Variants in LOXL1 observed in about 807,000 individuals in gnomAD.
LOXL1 encodes the protein lysyl oxidase like 1.
Under a neutral mutation model 62.2 loss-of-function variants are expected in LOXL1, and 31 were observed. That is an observed-to-expected ratio of 0.50 (90% CI 0.37 to 0.67). The LOEUF (loss-of-function observed/expected upper bound fraction) is 0.67, where lower values mean the gene tolerates loss of function less well. LOXL1 is among the 30% of genes least tolerant of loss of function. The pLI is 0.00. For missense variants in LOXL1, 775 were observed against 843.4 expected, an observed-to-expected ratio of 0.92 and a Z score of 1.00; for synonymous variants, 403 against 384.4, an observed-to-expected ratio of 1.05 and a Z score of -0.56.
chr15:73,927,499 G>A lies in LOXL1; in HGVS notation c.716G>A (p.Gly239Asp). 1 of 1,470,492 alleles carries A rather than the reference G, an allele frequency of 6.8e-7. No individual in the cohort carries two copies. The highest frequency in any genetic ancestry group is 1.3e-5 in the South Asian group (1 of 75,966). The allele number at this position is 1,470,492 out of a possible 1,614,324, so 91.1% of individuals were successfully genotyped here. A position where few individuals can be genotyped will look rare whatever the true frequency, so the allele number is the denominator to read the frequency against. Residue 239 changes from glycine (G) to aspartate (D), a missense_variant, in exon 1 of 7, where the codon GGC becomes GAC. Physicochemically the swap from Gly to Asp is moderately conservative, Grantham distance 94. Transcript: ENST00000261921. Reference protein sequence around the residue: ...QPRARYEEYGGGEELPEYPPQ... With the variant: ...QPRARYEEYGDGEELPEYPPQ... ...CGGGCGCGCTACGAGGAGTACGGCGGCGGCGAAGAGCTGCCCGAGTACCCG... is the reference window on the plus strand; with the variant it reads ...CGGGCGCGCTACGAGGAGTACGGCGACGGCGAAGAGCTGCCCGAGTACCCG...
intron 1 of LOXL1, among the ~76,000 whole-genome samples, chr15:73,938,692 A>G (rs1003624045): frequency 1.3e-5 from 2 of 152,130 alleles, no homozygotes; most frequent in Non-Finnish European, 2.9e-5. Context: ...GCCTGGGCTG[A>G]TGGTTTCCCC....
intron 1 of LOXL1, among the ~76,000 whole-genome samples, chr15:73,936,973 G>A (rs565970780): frequency 6.6e-6 from 1 of 152,332 alleles, no homozygotes; most frequent in East Asian, 1.9e-4. Context: ...TGTGTTCAGG[G>A]GCCAGCTAGT....
At chr15:73,941,163 G>A (rs2068711101) in intron 1 of LOXL1, among the ~76,000 whole-genome samples, 1 of 152,156 alleles carries the variant, frequency 6.6e-6, no homozygotes, top group South Asian at 2.1e-4. Context: ...GGGCCTATGG[G>A]TCCCTTGGGA....
At chr15:73,947,505 C>A in intron 4 of LOXL1, 1 of 493,324 alleles carries the variant, frequency 2.0e-6, no homozygotes, top group Non-Finnish European at 3.6e-6. Context: ...CCTGTTCACC[C>A]ACCCATATCC....
chr15:73,927,541 C>T lies in LOXL1; in HGVS notation c.758C>T (p.Pro253Leu), dbSNP rs1023501921. Residue 253 changes from proline (P) to leucine (L), a missense_variant, in exon 1 of 7, where the codon CCG (proline) becomes CTG (leucine). Physicochemically the swap from Pro to Leu is moderately conservative, Grantham distance 98 (BLOSUM62 -3). Coordinates refer to ENST00000261921, the MANE Select transcript of LOXL1 (RefSeq NM_005576.4). ...LPEYPPQGFY[P>L]APERPYVPPP... The stretch of plus-strand genomic sequence containing the variant: ...GAGTACCCGCCTCAGGGCTTCTACC[C>T]GGCCCCCGAGAGGCCCTACGTGCCG... 56 of 1,496,956 alleles carry T rather than the reference C, an allele frequency of 3.7e-5. No individual in the cohort carries two copies. In the East Asian group the frequency reaches 5.8e-4, roughly 16 times the overall value. 92.7% of individuals were successfully genotyped at this position (1,496,956 alleles called of 1,614,324 possible).
At position 73,949,554 on chromosome 15, in the gene LOXL1, A is replaced by G. The variant is rs773965590; in HGVS notation, c.1698A>G (p.Ala566=). ...ACTACACAGGTCGCTACGTTTCTGCAACAAACTGCAAAATTGTCCAGTAAG... is the reference window on the plus strand; with the variant it reads ...ACTACACAGGTCGCTACGTTTCTGCGACAAACTGCAAAATTGTCCAGTAAG... ...NIHYTGRYVS[A]TNCKIVQS The change falls in exon 6 of 7, where the codon GCA becomes GCG. Residue 566 remains alanine, a synonymous_variant. Coordinates refer to ENST00000261921, the MANE Select transcript of LOXL1 (RefSeq NM_005576.4). 6.2e-7 allele frequency: 1 copy of G among 1,613,586 alleles called. No individual in the cohort carries two copies. Among genetic ancestry groups the G allele is most frequent in the South Asian group, 1.1e-5 (1 of 91,070 alleles).
intron 1 of LOXL1, among the ~76,000 whole-genome samples, chr15:73,940,554 G>A (rs569473787): frequency 8.6e-5 from 13 of 151,924 alleles, no homozygotes; most frequent in South Asian, 8.3e-4. Context: ...TCAGACCTCC[G>A]TCTGTGACCA....
At position 73,946,566 on chromosome 15, in the gene LOXL1, G is replaced by A. The variant is rs2068749485; in HGVS notation, c.1349+12G>A. On this transcript the variant is annotated intron_variant, in intron 3 of 6. Transcript: ENST00000261921. Reference sequence around the variant, plus strand: ...CACAGCTGCCACCAGTGAGTGGGGAGGGGCTGGGCCCGTCCTCTTCCACTT... The same window carrying A: ...CACAGCTGCCACCAGTGAGTGGGGAAGGGCTGGGCCCGTCCTCTTCCACTT... 3 of 1,596,602 alleles carry A rather than the reference G, an allele frequency of 1.9e-6. No homozygotes were observed. Among genetic ancestry groups the A allele is most frequent in the Non-Finnish European group, 2.6e-6 (3 of 1,171,468 alleles).
intron 5 of LOXL1, among the ~76,000 whole-genome samples, chr15:73,949,231 C>T (rs1291469339): frequency 6.6e-6 from 1 of 152,212 alleles, no homozygotes; most frequent in African/African-American, 2.4e-5. Context: ...GGCTCTAGCT[C>T]TAGGGAAACA....
chr15:73,937,758 T>C (rs2068684060), intron 1 of LOXL1, among the ~76,000 whole-genome samples: 1 of 152,234 alleles, frequency 6.6e-6, no homozygotes, highest in Non-Finnish European at 1.5e-5. Context: ...AAATTGATGG[T>C]GGCCAGGGTT....
At chr15:73,931,023 G>T (rs1359601104) in intron 1 of LOXL1, among the ~76,000 whole-genome samples, 1 of 152,044 alleles carries the variant, frequency 6.6e-6, no homozygotes, top group Non-Finnish European at 1.5e-5. Context: ...CCTCTCCTGG[G>T]ATCCTCGCCT....
At position 73,927,819 on chromosome 15, in the gene LOXL1, C is replaced by G; in HGVS notation, c.1036C>G (p.Arg346Gly). Residue 346 changes from arginine to glycine, a missense_variant, in exon 1 of 7, where the codon CGG (arginine) becomes GGG (glycine). Physicochemically the swap from Arg to Gly is moderately radical, Grantham distance 125 (BLOSUM62 -2). Coordinates refer to ENST00000261921, the MANE Select transcript of LOXL1 (RefSeq NM_005576.4). ...SSDTPPPGGE[R>G]NGAQQGRLSV... ...CGACACGCCCCCGCCGGGTGGGGAG[C>G]GGAACGGCGCGCAGCAGGGCCGCCT... The G allele has an allele frequency of 1.5e-6, 2 of 1,359,794 alleles. No homozygotes were observed. The highest frequency in any genetic ancestry group is 3.6e-5 in the South Asian group (2 of 54,982). The allele number at this position is 1,359,794 out of a possible 1,614,324, so 84.2% of individuals were successfully genotyped here. A position where few individuals can be genotyped will look rare whatever the true frequency, so the allele number is the denominator to read the frequency against.
At chr15:73,949,659 C>T (rs577311882) in intron 6 of LOXL1, 85 bp downstream of exon 6, 2 of 899,364 alleles carry the variant, frequency 2.2e-6, no homozygotes, top group South Asian at 2.6e-5. Context: ...CCTAAGATAC[C>T]TGCACTTTAG....
chr15:73,927,738 G>A lies in LOXL1; in HGVS notation c.955G>A (p.Glu319Lys). Residue 319 changes from glutamate (E) to lysine (K), a missense_variant, in exon 1 of 7, where the codon GAG (glutamate) becomes AAG (lysine). Physicochemically the swap from Glu to Lys is moderately conservative, Grantham distance 56. Transcript: ENST00000261921. ...WYPPYANPPP[E>K]AYGPPRALEP... is the part of the protein sequence containing the mutation. The stretch of plus-strand genomic sequence containing the variant: ...CCCGCCCTACGCCAACCCGCCGCCC[G>A]AGGCGTACGGGCCGCCGCGCGCGCT... 1.4e-6 allele frequency: 2 copies of A among 1,459,438 alleles called. No homozygotes were observed. The highest frequency in any genetic ancestry group is 2.6e-5 in the Admixed American group (1 of 39,162). The allele number at this position is 1,459,438 out of a possible 1,614,324, so 90.4% of individuals were successfully genotyped here. A position where few individuals can be genotyped will look rare whatever the true frequency, so the allele number is the denominator to read the frequency against.
In LOXL1 at chr15:73,947,807, G is replaced by A; in HGVS notation, c.1507G>A (p.Gly503Ser). 1 of 1,608,478 alleles carries A rather than the reference G, an allele frequency of 6.2e-7. No individual in the cohort carries two copies. The highest frequency in any genetic ancestry group is 8.5e-7 in the Non-Finnish European group (1 of 1,175,792). ...GCCGCTCCTCTTGTCCCTTTCCCAG[G>A]GCCTGAGCCCAGGCTGCTATGACAC... ...KRYACTSHTQ[G>S]LSPGCYDTYN... Residue 503 changes from glycine to serine, a missense_variant and splice_region_variant, in exon 5 of 7, where the codon GGC becomes AGC. By Grantham distance (56) the Gly-to-Ser change is moderately conservative. Transcript: ENST00000261921.
At chr15:73,949,394 G>A (rs1282427975) in intron 5 of LOXL1, 65 bp from the exon 6 acceptor site, 7 of 906,352 alleles carry the variant, frequency 7.7e-6, no homozygotes, top group Non-Finnish European at 1.3e-5. Context: ...ACCTTCTCTG[G>A]TGAGCAGTTG....
At chr15:73,942,142 G>C (rs1247260135) in intron 1 of LOXL1, 1 of 154,356 alleles carries the variant, frequency 6.5e-6, no homozygotes, top group African/African-American at 2.4e-5. Context: ...GGTGATGGGG[G>C]GCGGGGGTAT....
intron 1 of LOXL1, among the ~76,000 whole-genome samples, chr15:73,935,984 C>T (rs551090188): frequency 9.1e-6 from 1 of 109,902 alleles, no homozygotes; most frequent in East Asian, 3.4e-4. Flanking sequence ...TACGCGCATG[C>T]ACATGCATAG....
intron 1 of LOXL1, among the ~76,000 whole-genome samples, chr15:73,940,296 T>G (rs2068704981): frequency 6.6e-6 from 1 of 152,144 alleles, no homozygotes; most frequent in Non-Finnish European, 1.5e-5. Context: ...GGGTCAAGGC[T>G]CAGATTGTGA....
Sources: gnomAD v4.1 joint callset for allele counts (sites outside exome capture counted in the v4.1 genomes callset) on GRCh38, gnomAD v4.1.1 for gene constraint, MANE v1.5 for transcripts, NCBI Gene and HGNC (gene_info 2026-07-23, HGNC 2026-07-21) for gene names.